The following LYPD6B variants were observed in gnomAD, a reference collection of about 807,000 sequenced individuals.
LYPD6B encodes the protein LY6/PLAUR domain containing 6B, also known as ly6/PLAUR domain-containing protein 6B.
A neutral mutation model predicts 22.8 loss-of-function variants in LYPD6B; 17 were observed. The observed-to-expected ratio is 0.75, with a 90% CI of 0.51 to 1.12. LYPD6B has a LOEUF of 1.12. Ranked by LOEUF, LYPD6B falls within the 50% of genes most tolerant of loss-of-function variation. The pLI is 0.00. For missense variants in LYPD6B, 221 were observed against 258.3 expected (o/e 0.86, Z 0.99); for synonymous variants, 106 against 91.6 (o/e 1.16, Z -0.90).
chr2:149,062,343 G>T (rs1684127358), intron 1 of LYPD6B, among the ~76,000 whole-genome samples: 1 of 152,204 alleles, frequency 6.6e-6, no homozygotes, highest in Non-Finnish European at 1.5e-5. Flanking sequence ...ATGTAGCAGT[G>T]TGATTGGCAT....
At chr2:149,151,195 G>A (rs1315120796) in intron 2 of LYPD6B, among the ~76,000 whole-genome samples, 1 of 152,076 alleles carries the variant, frequency 6.6e-6, no homozygotes, top group Non-Finnish European at 1.5e-5. Context: ...TCCTGTAGGC[G>A]CTGGGTGGTG....
chr2:149,161,711 A>G (rs1455580256), intron 3 of LYPD6B, among the ~76,000 whole-genome samples: 2 of 152,204 alleles, frequency 1.3e-5, no homozygotes, highest in Admixed American at 6.5e-5. Flanking sequence ...GAAGAGAGGG[A>G]GGAAACATGC....
At chr2:149,123,852 T>A (rs1687528607) in intron 1 of LYPD6B, among the ~76,000 whole-genome samples, 1 of 152,206 alleles carries the variant, frequency 6.6e-6, no homozygotes, top group Admixed American at 6.5e-5. Flanking sequence ...AGAGAGAGAC[T>A]TCGTCTCTAA....
At chr2:149,086,340 G>A (rs1685387794) in intron 1 of LYPD6B, among the ~76,000 whole-genome samples, 1 of 152,136 alleles carries the variant, frequency 6.6e-6, no homozygotes, top group African/African-American at 2.4e-5. Flanking sequence ...TTGGACTTGT[G>A]GATATTGGGT....
chr2:149,151,141 G>T (rs1689345968), intron 2 of LYPD6B, among the ~76,000 whole-genome samples: 2 of 152,198 alleles, frequency 1.3e-5, no homozygotes, highest in East Asian at 3.9e-4. Flanking sequence ...TGGTGATCCT[G>T]GGCTGTCTTT....
At chr2:149,160,962 G>C (rs1286451402) in intron 3 of LYPD6B, 127 bp downstream of exon 3, 1 of 720,512 alleles carries the variant, frequency 1.4e-6, no homozygotes, top group Non-Finnish European at 2.4e-6. Flanking sequence ...AGTTTGCCAG[G>C]TTTCCCATCC....
chr2:149,208,627 C>G (rs557134493), intron 5 of LYPD6B, among the ~76,000 whole-genome samples: 25 of 152,276 alleles, frequency 1.6e-4, no homozygotes, highest in Admixed American at 9.2e-4. Flanking sequence ...AGGGAGAACA[C>G]ATAGACCACA....
At chr2:149,106,791 G>T (rs1446847689) in intron 1 of LYPD6B, among the ~76,000 whole-genome samples, 1 of 151,542 alleles carries the variant, frequency 6.6e-6, no homozygotes, top group African/African-American at 2.4e-5. Context: ...TTTCTGCTTT[G>T]TCCTTTTTAA....
chr2:149,094,071 A>C (rs950819917), intron 1 of LYPD6B, among the ~76,000 whole-genome samples: 3 of 152,250 alleles, frequency 2.0e-5, no homozygotes, highest in Non-Finnish European at 4.4e-5. Flanking sequence ...ATAAATAAGC[A>C]TAGTATAATA....
chr2:149,047,003 A>G (rs1418727486), intron 1 of LYPD6B, among the ~76,000 whole-genome samples: 1 of 152,166 alleles, frequency 6.6e-6, no homozygotes, highest in Non-Finnish European at 1.5e-5. Flanking sequence ...TTCTTAGTTC[A>G]TTGGTTATGC....
chr2:149,144,144 T>C (rs545324547), intron 2 of LYPD6B, among the ~76,000 whole-genome samples: 20 of 152,346 alleles, frequency 1.3e-4, no homozygotes, highest in African/African-American at 4.1e-4. Flanking sequence ...GAGGGGCTTA[T>C]AGTATGATGG....
chr2:149,120,071 G>T (rs958374629), intron 1 of LYPD6B, among the ~76,000 whole-genome samples: 3 of 152,036 alleles, frequency 2.0e-5, no homozygotes, highest in Non-Finnish European at 4.4e-5. Context: ...TGATTGGAAG[G>T]CAGGGTATAG....
chr2:149,187,736 T>C (rs1366025725), intron 3 of LYPD6B: 1 of 425,218 alleles, frequency 2.4e-6, no homozygotes, highest in Non-Finnish European at 4.2e-6. Flanking sequence ...GCTGATAAGC[T>C]GAAAAAAAGA....
chr2:149,044,871 T>C (rs888107642), intron 1 of LYPD6B, among the ~76,000 whole-genome samples: 2 of 152,050 alleles, frequency 1.3e-5, no homozygotes, highest in African/African-American at 4.8e-5. Context: ...CAGAACCATA[T>C]GAGTTTTCTT....
chr2:149,120,379 ATATAT>A (rs1249459668), intron 1 of LYPD6B, among the ~76,000 whole-genome samples: 1 of 43,684 alleles, frequency 2.3e-5, no homozygotes, highest in African/African-American at 1.3e-4. Flanking sequence ...ATATATATAT[ATATAT>A]TTTTTTTTTT....
intron 3 of LYPD6B, 124 bp from the exon 4 acceptor site, chr2:149,205,129 G>A: frequency 1.1e-6 from 1 of 941,912 alleles, no homozygotes; most frequent in Non-Finnish European, 1.6e-6. Flanking sequence ...CGCAGGTCCT[G>A]GCCCTACACA....
chr2:149,068,841 C>T (rs1684461689), intron 1 of LYPD6B: 5 of 393,838 alleles, frequency 1.3e-5, no homozygotes, highest in African/African-American at 8.3e-5. Context: ...AAGTCAACTA[C>T]TCCAGGTTTA....
intron 3 of LYPD6B, among the ~76,000 whole-genome samples, chr2:149,162,279 A>G (rs1160690570): frequency 2.0e-5 from 3 of 152,206 alleles, no homozygotes; most frequent in Non-Finnish European, 2.9e-5. Context: ...AGCATTTTGC[A>G]TGCATTCTCT....
chr2:149,125,801 A>G (rs1182422556), intron 1 of LYPD6B, among the ~76,000 whole-genome samples: 1 of 152,150 alleles, frequency 6.6e-6, no homozygotes, highest in Non-Finnish European at 1.5e-5. Context: ...TTACCTACCT[A>G]TATACCAACT....
Sources: allele counts gnomAD v4.1 joint callset (sites outside exome capture counted in the v4.1 genomes callset), GRCh38; gene constraint gnomAD v4.1.1; transcripts MANE v1.5; gene names NCBI Gene and HGNC (gene_info 2026-07-23, HGNC 2026-07-21).